Variants in GRAMD1A observed in about 807,000 individuals in gnomAD.
The protein encoded by GRAMD1A is protein Aster-A.
A neutral mutation model predicts 92.0 loss-of-function variants in GRAMD1A; 50 were observed. The observed-to-expected ratio is 0.54, with a 90% CI of 0.43 to 0.69. GRAMD1A has a LOEUF of 0.69. Ranked by LOEUF, GRAMD1A falls within the 30% of genes least tolerant of loss-of-function variation. GRAMD1A has a pLI of 0.00. For missense variants in GRAMD1A, 819 were observed against 978.9 expected (o/e 0.84, Z 2.18); for synonymous variants, 405 against 403.6 (o/e 1.00, Z -0.04).
At chr19:35,017,209 G>A (rs965888156) in intron 11 of GRAMD1A, among the ~76,000 whole-genome samples, 5 of 151,666 alleles carry the variant, frequency 3.3e-5, no homozygotes, top group Non-Finnish European at 7.4e-5. Context: ...CCCAGAAGCC[G>A]AGCAGATGTC....
intron 17 of GRAMD1A, 98 bp downstream of exon 17, chr19:35,023,009 G>T: frequency 9.4e-7 from 1 of 1,060,862 alleles, no homozygotes; most frequent in Non-Finnish European, 1.4e-6. Flanking sequence ...CCCCCAGGGA[G>T]GTGGCCTGGC....
rs887823924 is a variant in GRAMD1A, at chr19:35,014,462, A to T, written c.1069+75A>T. The stretch of plus-strand genomic sequence containing the variant: ...CTCAGTCTTAAGCAAGAGGGGATGG[A>T]TTCGCCCGCAGCACTGAGAATCCAG... On this transcript the variant is annotated intron_variant, in intron 10 of 19. Transcript: ENST00000317991. 7.7e-6 allele frequency: 10 copies of T among 1,291,566 alleles called. No homozygotes were observed. In the African/African-American group the frequency reaches 1.5e-4, roughly 19 times the overall value. 80.0% of individuals were successfully genotyped at this position (1,291,566 alleles called of 1,614,324 possible). A position where few individuals can be genotyped will look rare whatever the true frequency, so the allele number is the denominator to read the frequency against.
At chr19:35,022,072 C>T (rs373372247) in intron 16 of GRAMD1A, 34 bp downstream of exon 16, 1 of 1,470,352 alleles carries the variant, frequency 6.8e-7, no homozygotes. Context: ...GCCACACAGG[C>T]CTGAACCTGC....
At chr19:35,019,084 G>A in intron 11 of GRAMD1A, 107 bp from the exon 12 acceptor site, 1 of 733,780 alleles carries the variant, frequency 1.4e-6, no homozygotes. Flanking sequence ...GGAGTGGTGG[G>A]GATTGGGACA....
upstream of GRAMD1A, chr19:34,996,194 A>G (rs913147067): frequency 1.0e-5 from 16 of 1,535,558 alleles, no homozygotes; most frequent in Non-Finnish European, 1.3e-5. Context: ...CATTCACATA[A>G]CGCCATCCAG....
At chr19:35,014,695 C>T in intron 10 of GRAMD1A, 1 of 428,520 alleles carries the variant, frequency 2.3e-6, no homozygotes, top group East Asian at 4.9e-5. Context: ...ATGGGGTTAA[C>T]AATGATAATA....
At chr19:35,015,747 G>A in intron 10 of GRAMD1A, 77 bp from the exon 11 acceptor site, 1 of 1,436,332 alleles carries the variant, frequency 7.0e-7, no homozygotes, top group African/African-American at 1.4e-5. Flanking sequence ...TACAAGGCCT[G>A]GGAGTGGGGA....
chr19:34,996,703 G>C (rs2014050774), upstream of GRAMD1A, among the ~76,000 whole-genome samples: 1 of 152,032 alleles, frequency 6.6e-6, no homozygotes. Flanking sequence ...CTATTCAGGA[G>C]GCTGGGGCAG....
At position 35,000,424 on chromosome 19, in the gene GRAMD1A, C is replaced by T; in HGVS notation, c.-55C>T. ...CGCAGCCCAGCCCCGCGCAGCCCAGCCCTGCCCTGCCCTGCCCTGCCCTGC... is the reference window on the plus strand; with the variant it reads ...CGCAGCCCAGCCCCGCGCAGCCCAGTCCTGCCCTGCCCTGCCCTGCCCTGC... On this transcript the variant is annotated 5_prime_UTR_variant, in exon 1 of 20. Coordinates refer to ENST00000317991, the MANE Select transcript of GRAMD1A (RefSeq NM_020895.5). The surrounding 1 kb of genome is among the most constrained non-coding windows in gnomAD (Gnocchi z 4.9). 8.2e-7 allele frequency: 1 copy of T among 1,213,654 alleles called. No individual in the cohort carries two copies. The highest frequency in any genetic ancestry group is 1.0e-6 in the Non-Finnish European group (1 of 973,072). The allele number at this position is 1,213,654 out of a possible 1,614,324, so 75.2% of individuals were successfully genotyped here. A position where few individuals can be genotyped will look rare whatever the true frequency, so the allele number is the denominator to read the frequency against.
Position 35,014,243 on chromosome 19 carries a change from C to G in GRAMD1A, c.925C>G (p.Gln309Glu). 6.2e-7 allele frequency: 1 copy of G among 1,614,138 alleles called. No individual in the cohort carries two copies. The highest frequency in any genetic ancestry group is 8.5e-7 in the Non-Finnish European group (1 of 1,180,028). The change falls in exon 10 of 20, where the codon CAG becomes GAG. Residue 309 changes from glutamine (Q) to glutamate (E), a missense_variant. Coordinates refer to ENST00000317991, the MANE Select transcript of GRAMD1A (RefSeq NM_020895.5). ...CAGCCAGCCAGACGCCTCCTCCAGC[C>G]AGACAGTGACCCCGGTGGCTGAACC... The part of the protein sequence containing the change: ...VDSQPDASSS[Q>E]TVTPVAEPPS...
chr19:35,013,207 G>T lies in GRAMD1A; in HGVS notation c.607-49G>T. ...GCTGGTGGGGAATCTGGCGGGCCGG[G>T]CTCTGGCTGGGGTGAGATGGAGGCC... is the stretch of plus-strand genomic sequence containing the variant. On this transcript the variant is annotated intron_variant, in intron 7 of 19. Coordinates refer to ENST00000317991, the MANE Select transcript of GRAMD1A (RefSeq NM_020895.5). This position sits in a 1 kb window ranked among gnomAD's most constrained non-coding sequence, Gnocchi z 4.9. The T allele has an allele frequency of 2.0e-6, 2 of 1,010,128 alleles. No homozygotes were observed. The highest frequency in any genetic ancestry group is 3.0e-6 in the Non-Finnish European group (2 of 671,488). 62.6% of individuals were successfully genotyped at this position (1,010,128 alleles called of 1,614,324 possible).
intron 1 of GRAMD1A, among the ~76,000 whole-genome samples, chr19:35,007,858 G>A (rs1237646277): frequency 1.3e-5 from 2 of 152,196 alleles, no homozygotes; most frequent in East Asian, 3.9e-4. Context: ...GAGTGACAGA[G>A]CGAGACCCTA....
intron 10 of GRAMD1A, 72 bp from the exon 11 acceptor site, chr19:35,015,752 T>C: frequency 1.4e-6 from 2 of 1,462,780 alleles, no homozygotes; most frequent in Non-Finnish European, 1.9e-6. Flanking sequence ...GGCCTGGGAG[T>C]GGGGAGGCGT....
At position 35,009,127 on chromosome 19, in the gene GRAMD1A, C is replaced by A; in HGVS notation, c.17C>A (p.Pro6His). 1.9e-6 allele frequency: 3 copies of A among 1,611,842 alleles called. No homozygotes were observed. Among genetic ancestry groups the A allele is most frequent in the Non-Finnish European group, 2.5e-6 (3 of 1,178,020 alleles). The part of the protein sequence containing the change: MFDTT[P>H]HSGRSTPSSS... ...CCTCTTCCTGCCCCCAGCACCACACCCCACTCTGGCCGGAGCACGCCAAGC... is the reference window on the plus strand; with the variant it reads ...CCTCTTCCTGCCCCCAGCACCACACACCACTCTGGCCGGAGCACGCCAAGC... The change falls in exon 2 of 20, where the codon CCC becomes CAC. Residue 6 changes from proline (P) to histidine (H), a missense_variant. Coordinates refer to ENST00000317991, the MANE Select transcript of GRAMD1A (RefSeq NM_020895.5).
intron 19 of GRAMD1A, among the ~76,000 whole-genome samples, chr19:35,024,521 C>T (rs990194484): frequency 3.3e-5 from 5 of 151,872 alleles, no homozygotes; most frequent in Non-Finnish European, 5.9e-5. Flanking sequence ...GGGAAGGTGT[C>T]GAGGGGGAAA....
chr19:35,003,873 G>C lies in GRAMD1A; in HGVS notation c.8+3387G>C, dbSNP rs566060264. On this transcript the variant is annotated intron_variant, in intron 1 of 19. Transcript: ENST00000317991. ...AGTCTTCTCCCAGCCTTTGCCACAT[G>C]TGTTCTTTGTCCTCAGGTGAACAAG... Among the ~76,000 whole-genome samples, 25 of 152,348 alleles carry C rather than the reference G, an allele frequency of 1.6e-4. 1 individual carries two copies. In the South Asian group the frequency reaches 5.2e-3, roughly 32 times the overall value.
upstream of GRAMD1A, chr19:34,995,976 C>CT: frequency 2.7e-6 from 4 of 1,476,668 alleles, no homozygotes; most frequent in Non-Finnish European, 3.6e-6. Flanking sequence ...TCCCTCATCT[C>CT]TTTTTTCTCT....
chr19:35,014,322 A>T lies in GRAMD1A; in HGVS notation c.1004A>T (p.Asp335Val). ...PDGPTTLGPL[D>V]LLPSEELLTD... ...GGGCCCACCACCCTGGGCCCCTTGG[A>T]TCTGCTGCCCAGTGAGGAGCTATTG... The change falls in exon 10 of 20, where the codon GAT becomes GTT. Residue 335 changes from aspartate (D) to valine (V), a missense_variant. This residue lies in a region of GRAMD1A where 577 missense variants were observed against 674.6 expected (regional missense o/e 0.86). Coordinates refer to ENST00000317991, the MANE Select transcript of GRAMD1A (RefSeq NM_020895.5). The T allele has an allele frequency of 6.2e-7, 1 of 1,614,138 alleles. No homozygotes were observed. The highest frequency in any genetic ancestry group is 1.3e-5 in the African/African-American group (1 of 75,030).
chr19:35,015,627 T>G (rs2015566221), intron 10 of GRAMD1A, 197 bp from the exon 11 acceptor site: 3 of 534,632 alleles, frequency 5.6e-6, no homozygotes, highest in East Asian at 3.3e-5. Flanking sequence ...ACAGTGGCTG[T>G]CTGTCTGGGC....
Sources: gnomAD v4.1 joint callset for allele counts (sites outside exome capture counted in the v4.1 genomes callset) on GRCh38, gnomAD v4.1.1 for gene constraint, gnomAD v4.1.1 regional missense constraint, Gnocchi (gnomAD v3.1) non-coding constraint, MANE v1.5 for transcripts, NCBI Gene and HGNC (gene_info 2026-07-23, HGNC 2026-07-21) for gene names.